The following ACO2 variants were observed in gnomAD, a reference collection of about 807,000 sequenced individuals.
The protein encoded by ACO2 is aconitase 2, also known as aconitate hydratase, mitochondrial.
Under a neutral mutation model 84.5 loss-of-function variants are expected in ACO2, and 31 were observed. The observed-to-expected ratio is 0.37, with a 90% confidence interval of 0.28 to 0.50. ACO2 has a LOEUF of 0.50. Ranked by LOEUF, ACO2 falls within the 20% of genes least tolerant of loss-of-function variation. The pLI is 0.97. For missense variants in ACO2, 685 were observed against 1,029.3 expected, an observed-to-expected ratio of 0.67 and a Z score of 4.58; for synonymous variants, 414 against 412.7, an observed-to-expected ratio of 1.00 and a Z score of -0.04.
At chr22:41,478,375 C>T (rs1158604968) in intron 1 of ACO2, among the ~76,000 whole-genome samples, 3 of 152,062 alleles carry the variant, frequency 2.0e-5, no homozygotes, top group Non-Finnish European at 4.4e-5. Flanking sequence ...AACTCCTGAC[C>T]TCAAGTGGTC....
At chr22:41,507,653 T>A (rs1472167991) in intron 2 of ACO2, 138 bp from the exon 3 acceptor site, 2 of 1,224,572 alleles carry the variant, frequency 1.6e-6, no homozygotes, top group Non-Finnish European at 2.2e-6. Context: ...CCCACCCAAG[T>A]GGAACGTTGA....
Position 41,517,590 on chromosome 22 carries a change from A to G in ACO2, c.899A>G (p.Asn300Ser). ...IGATTSVFPY[N>S]HRMKKYLSKT... The stretch of plus-strand genomic sequence containing the variant: ...GCCACCACTTCCGTGTTCCCTTACA[A>G]CCACAGGATGAAGAAGTACCTGAGC... Residue 300 changes from asparagine (N) to serine (S), a missense_variant, in exon 7 of 18, where the codon AAC becomes AGC. Physicochemically the swap from Asn to Ser is conservative, Grantham distance 46 (BLOSUM62 1). Coordinates refer to ENST00000216254, the MANE Select transcript of ACO2 (RefSeq NM_001098.3). 1 of 1,614,044 alleles carries G rather than the reference A, an allele frequency of 6.2e-7. No individual in the cohort carries two copies. Among genetic ancestry groups the G allele is most frequent in the Non-Finnish European group, 8.5e-7 (1 of 1,180,010 alleles).
At chr22:41,524,682 C>T (rs370768917) in intron 12 of ACO2, among the ~76,000 whole-genome samples, 164 bp from the exon 13 acceptor site, 1 of 152,206 alleles carries the variant, frequency 6.6e-6, no homozygotes, top group African/African-American at 2.4e-5. Context: ...CCCCGTGGTC[C>T]CAAAGATCGT....
In ACO2 at chr22:41,528,673, G is replaced by T; in HGVS notation, c.*60G>T. On this transcript the variant is annotated 3_prime_UTR_variant, in exon 18 of 18. Transcript: ENST00000216254. ...GTTCAGCTCCACGTGTGCCATCAGT[G>T]GATCCGATCCGTCCAGCCATGGCTT... 6.3e-7 allele frequency: 1 copy of T among 1,591,164 alleles called. No individual in the cohort carries two copies. The highest frequency in any genetic ancestry group is 1.1e-5 in the South Asian group (1 of 88,480).
At chr22:41,480,443 G>A (rs2038073456) in intron 1 of ACO2, among the ~76,000 whole-genome samples, 1 of 152,134 alleles carries the variant, frequency 6.6e-6, no homozygotes, top group South Asian at 2.1e-4. Context: ...AAGATGTGCT[G>A]TCCTGGTGCT....
intron 1 of ACO2, among the ~76,000 whole-genome samples, chr22:41,477,359 C>T (rs1041997965): frequency 2.0e-5 from 3 of 151,260 alleles, no homozygotes; most frequent in East Asian, 4.0e-4. Flanking sequence ...TGGGGTTTCA[C>T]GGTGTTAGCC....
intron 3 of ACO2, among the ~76,000 whole-genome samples, chr22:41,508,446 C>T (rs1229070255): frequency 6.6e-6 from 1 of 152,172 alleles, no homozygotes; most frequent in Non-Finnish European, 1.5e-5. Flanking sequence ...CTCTGACCCT[C>T]CAAGGACCCT....
rs2146114869 is a variant in ACO2 at position 41,507,190 on chromosome 22, G to A, written c.174-601G>A. On this transcript the variant is annotated intron_variant, in intron 2 of 17. Transcript: ENST00000216254. ...AAAACTGACAGATACTCCTGTCTAT[G>A]TCTGGAGCTAATGGGCAAAGTCTTA... Among the ~76,000 whole-genome samples, 3 of 152,266 alleles carry A rather than the reference G, an allele frequency of 2.0e-5. No individual in the cohort carries two copies. The South Asian group carries it at 6.2e-4, about 32-fold the overall frequency.
chr22:41,519,555 C>T (rs2066504813), intron 8 of ACO2, among the ~76,000 whole-genome samples: 1 of 152,188 alleles, frequency 6.6e-6, no homozygotes, highest in Middle Eastern at 3.4e-3. Flanking sequence ...CCTGTAATCC[C>T]AGCACTTTGG....
chr22:41,499,621 C>T (rs2066339249), intron 1 of ACO2, 105 bp from the exon 2 acceptor site: 6 of 1,313,362 alleles, frequency 4.6e-6, no homozygotes, highest in Non-Finnish European at 6.3e-6. Context: ...CTGAACAGCT[C>T]TTGACACTTT....
intron 1 of ACO2, among the ~76,000 whole-genome samples, chr22:41,470,528 CTTTTTTT>C (rs71184811): frequency 5.2e-5 from 5 of 95,856 alleles, no homozygotes; most frequent in Admixed American, 1.3e-4. Flanking sequence ...CTCTTTACAT[CTTTTTTT>C]TTTTTTTTTT....
intron 11 of ACO2, 132 bp from the exon 12 acceptor site, chr22:41,523,698 G>A: frequency 1.2e-6 from 1 of 807,096 alleles, no homozygotes; most frequent in South Asian, 1.6e-5. Context: ...AGGCAACCCT[G>A]GCAGGGCCTC....
chr22:41,485,484 A>T (rs980971707), intron 1 of ACO2, among the ~76,000 whole-genome samples: 10 of 124,350 alleles, frequency 8.0e-5, no homozygotes, highest in Non-Finnish European at 1.6e-4. Context: ...TCTGTCGCCC[A>T]GTCTGGAGTG....
chr22:41,499,426 C>T (rs2066338086), intron 1 of ACO2, among the ~76,000 whole-genome samples: 1 of 152,200 alleles, frequency 6.6e-6, no homozygotes, highest in Admixed American at 6.5e-5. Flanking sequence ...TATTTTCTAT[C>T]TCCTCTGGGT....
chr22:41,469,443 G>C, intron 1 of ACO2: 1 of 458,126 alleles, frequency 2.2e-6, no homozygotes, highest in Non-Finnish European at 3.9e-6. Context: ...AAGAGCGGAG[G>C]CACCTCTTTC....
chr22:41,477,157 TTTATTTA>T (rs2038026925), intron 1 of ACO2, among the ~76,000 whole-genome samples: 3 of 149,958 alleles, frequency 2.0e-5, no homozygotes, highest in African/African-American at 7.3e-5. Context: ...TATTTATTTA[TTTATTTA>T]TTTTTTTGAG....
chr22:41,474,325 G>T (rs1601875140), intron 1 of ACO2, among the ~76,000 whole-genome samples: 1 of 134,038 alleles, frequency 7.5e-6, no homozygotes, highest in African/African-American at 2.9e-5. Context: ...ACAGGGTCTC[G>T]CTCTGTCACC....
At chr22:41,490,426 C>T (rs1199307960) in intron 1 of ACO2, among the ~76,000 whole-genome samples, 1 of 152,182 alleles carries the variant, frequency 6.6e-6, no homozygotes, top group East Asian at 1.9e-4. Flanking sequence ...TGTTGTGCAA[C>T]CATCACCATT....
chr22:41,508,022 G>C lies in ACO2; in HGVS notation c.405G>C (p.Gly135=), dbSNP rs576127948. 6.2e-7 allele frequency: 1 copy of C among 1,613,152 alleles called. No individual in the cohort carries two copies. The highest frequency in any genetic ancestry group is 2.2e-5 in the East Asian group (1 of 44,842). The change falls in exon 3 of 18, where the codon GGG becomes GGC. Residue 135 remains glycine, a synonymous_variant. Transcript: ENST00000216254. ...HCDHLIEAQV[G]GEKDLRRAKD... is the part of the protein sequence containing the mutation. ...ACCATCTGATTGAAGCCCAGGTTGG[G>C]GGCGAGAAAGACCTGCGCCGGGCCA...
Sources: allele counts gnomAD v4.1 joint callset (sites outside exome capture counted in the v4.1 genomes callset), GRCh38; gene constraint gnomAD v4.1.1; transcripts MANE v1.5; gene names NCBI Gene and HGNC (gene_info 2026-07-23, HGNC 2026-07-21).